Variants in ABCA12 observed in about 807,000 individuals in gnomAD.
The protein encoded by ABCA12 is ATP binding cassette subfamily A member 12, also known as glucosylceramide transporter ABCA12.
A neutral mutation model predicts 293.5 loss-of-function variants in ABCA12; 156 were observed. That is an observed-to-expected ratio of 0.53 (90% CI 0.47 to 0.61). The LOEUF (loss-of-function observed/expected upper bound fraction) is 0.61. Ranked by LOEUF, ABCA12 falls within the 20% of genes least tolerant of loss-of-function variation. ABCA12 has a pLI of 0.00. For missense variants in ABCA12, 2,797 were observed against 3,090.2 expected (o/e 0.91, Z 2.25); for synonymous variants, 1,063 against 1,108.0 (o/e 0.96, Z 0.81).
At chr2:214,985,793 G>A (rs982750031) in intron 28 of ABCA12, among the ~76,000 whole-genome samples, 1 of 152,106 alleles carries the variant, frequency 6.6e-6, no homozygotes, top group Non-Finnish European at 1.5e-5. Flanking sequence ...ACAAGGGCTC[G>A]AGCACCAGCA....
intron 3 of ABCA12, among the ~76,000 whole-genome samples, chr2:215,057,176 A>G (rs6730075): frequency 1 from 151,986 of 152,144 alleles, 75,915 homozygotes; most frequent in Middle Eastern, 1. Context: ...AGATATCTTC[A>G]GAATTTCAGC....
In ABCA12 at chr2:214,968,960, C is replaced by T. The variant is rs557326864; in HGVS notation, c.5691-153G>A. 2.8e-4 allele frequency among the ~76,000 whole-genome samples: 43 copies of T among 152,042 alleles called. 1 individual carries two copies. The highest frequency in any genetic ancestry group is 3.4e-3 in the Middle Eastern group (1 of 292). ...ACTTCCTGACAAATATTTTACATTT[C>T]TATCAATTCTTTTTATCATATTTCA... On this transcript the variant is annotated intron_variant, in intron 37 of 52. Coordinates refer to ENST00000272895, the MANE Select transcript of ABCA12 (RefSeq NM_173076.3).
At chr2:215,076,866 C>G (rs1701845071) in intron 2 of ABCA12, among the ~76,000 whole-genome samples, 1 of 152,116 alleles carries the variant, frequency 6.6e-6, no homozygotes, top group Non-Finnish European at 1.5e-5. Context: ...GCCCAAAAAG[C>G]TTAATACAAA....
intron 33 of ABCA12, 150 bp downstream of exon 33, chr2:214,978,166 C>T: frequency 1.1e-6 from 1 of 905,614 alleles, no homozygotes; most frequent in East Asian, 2.6e-5. Flanking sequence ...TATTTTATAT[C>T]TTAAAAAAGG....
intron 3 of ABCA12, among the ~76,000 whole-genome samples, chr2:215,055,667 T>C (rs1432798803): frequency 6.6e-6 from 1 of 151,586 alleles, no homozygotes; most frequent in Non-Finnish European, 1.5e-5. Flanking sequence ...AAACAAGATC[T>C]GAATCCTAGT....
chr2:214,936,296 G>A (rs560773830), intron 51 of ABCA12, among the ~76,000 whole-genome samples: 2 of 152,090 alleles, frequency 1.3e-5, no homozygotes, highest in African/African-American at 4.8e-5. Flanking sequence ...TACCAGATTT[G>A]GTACTATCTA....
intron 1 of ABCA12, among the ~76,000 whole-genome samples, chr2:215,130,122 C>A (rs1189482557): frequency 1.3e-5 from 2 of 151,946 alleles, no homozygotes; most frequent in East Asian, 3.9e-4. Context: ...TTTTAGTTAC[C>A]ATAGCCTTGT....
chr2:215,104,875 C>G (rs1348067662), intron 2 of ABCA12, among the ~76,000 whole-genome samples: 1 of 152,142 alleles, frequency 6.6e-6, no homozygotes, highest in Non-Finnish European at 1.5e-5. Context: ...TTTCTTTCCC[C>G]CATATGGGCA....
Position 214,955,273 on chromosome 2 carries a change from A to G in ABCA12, c.6322T>C (p.Phe2108Leu). 1 of 1,614,198 alleles carries G rather than the reference A, an allele frequency of 6.2e-7. No individual in the cohort carries two copies. The highest frequency in any genetic ancestry group is 8.5e-7 in the Non-Finnish European group (1 of 1,180,014). ...AFITYVCVNLFFGINSIVSLS... is the reference protein window; with the variant it reads ...AFITYVCVNLLFGINSIVSLS... Reference sequence around the variant, plus strand: ...GAAACAATGGAATTAATGCCAAAAAACAAGTTGACACAGACGTAAGTGATG... The same window carrying G: ...GAAACAATGGAATTAATGCCAAAAAGCAAGTTGACACAGACGTAAGTGATG... Residue 2108 changes from phenylalanine (F) to leucine (L), a missense_variant, in exon 43 of 53, where the codon TTT (phenylalanine) becomes CTT (leucine). Transcript: ENST00000272895.
intron 9 of ABCA12, among the ~76,000 whole-genome samples, chr2:215,028,678 C>T (rs931742570): frequency 6.6e-6 from 1 of 152,160 alleles, no homozygotes; most frequent in Non-Finnish European, 1.5e-5. Flanking sequence ...TTCTAAATCA[C>T]ATTATTACTG....
intron 1 of ABCA12, among the ~76,000 whole-genome samples, chr2:215,119,363 C>T (rs1424913728): frequency 6.6e-6 from 1 of 152,092 alleles, no homozygotes; most frequent in Non-Finnish European, 1.5e-5. Context: ...GGGGACTTAG[C>T]CAAAAATGAT....
chr2:215,098,920 G>A (rs1362149645), intron 2 of ABCA12, among the ~76,000 whole-genome samples: 1 of 152,214 alleles, frequency 6.6e-6, no homozygotes, highest in Non-Finnish European at 1.5e-5. Context: ...GCTGAATATC[G>A]TAAGCACGTT....
At chr2:214,964,497 C>A (rs1237692922) in intron 39 of ABCA12, among the ~76,000 whole-genome samples, 26 of 152,180 alleles carry the variant, frequency 1.7e-4, no homozygotes, top group Admixed American at 1.7e-3. Context: ...AGCCCAAAAG[C>A]TTCTTAAGCT....
chr2:215,036,313 T>A (rs1280063662), intron 8 of ABCA12, among the ~76,000 whole-genome samples: 2 of 152,260 alleles, frequency 1.3e-5, no homozygotes, highest in Non-Finnish European at 2.9e-5. Context: ...GCTTATTTTG[T>A]AATCTAAAGG....
At chr2:214,989,861 A>C (rs1379579014) in intron 24 of ABCA12, among the ~76,000 whole-genome samples, 2 of 152,324 alleles carry the variant, frequency 1.3e-5, no homozygotes, top group African/African-American at 4.8e-5. Context: ...TCCTTAAAAA[A>C]TCAAAATATA....
At chr2:215,101,279 A>C (rs1399534256) in intron 2 of ABCA12, among the ~76,000 whole-genome samples, 1 of 152,212 alleles carries the variant, frequency 6.6e-6, no homozygotes, top group Non-Finnish European at 1.5e-5. Flanking sequence ...TTTAAGTTGA[A>C]AAGAAAGGAA....
At chr2:214,990,603 T>C in intron 24 of ABCA12, 99 bp downstream of exon 24, 1 of 1,268,470 alleles carries the variant, frequency 7.9e-7, no homozygotes, top group Non-Finnish European at 1.1e-6. Context: ...GAATTTCAAA[T>C]TAAGATAAGT....
Position 214,997,760 on chromosome 2 carries a change from A to T in ABCA12, c.3229T>A (p.Trp1077Arg), listed in dbSNP as rs1700066166. The T allele has an allele frequency of 6.2e-7, 1 of 1,613,586 alleles. No individual in the cohort carries two copies. The highest frequency in any genetic ancestry group is 1.3e-5 in the African/African-American group (1 of 74,916). ...YSLPIVLMVA[W>R]VVFIAAFVKK... ...ACAAAGGCAGCTATAAATACAACCC[A>T]GGCAACCATAAGCACAATTGGAAGA... is the stretch of plus-strand genomic sequence containing the variant. The change falls in exon 23 of 53, where the codon TGG (tryptophan) becomes AGG (arginine). Residue 1077 changes from tryptophan (W) to arginine (R), a missense_variant. Transcript: ENST00000272895.
chr2:215,078,379 T>C (rs945971333), intron 2 of ABCA12, among the ~76,000 whole-genome samples: 42 of 152,364 alleles, frequency 2.8e-4, no homozygotes, highest in Middle Eastern at 3.4e-3. Flanking sequence ...TTAGCCTTTG[T>C]CTTCCTTGAG....
Sources: gnomAD v4.1 joint callset for allele counts (sites outside exome capture counted in the v4.1 genomes callset) on GRCh38, gnomAD v4.1.1 for gene constraint, MANE v1.5 for transcripts, NCBI Gene and HGNC (gene_info 2026-07-23, HGNC 2026-07-21) for gene names.